Variants in ABCC9 observed in about 807,000 individuals in gnomAD.
ABCC9 encodes ATP binding cassette subfamily C member 9.
ABCC9 carries 95 observed loss-of-function variants against 188.3 expected under a neutral mutation model. The observed-to-expected ratio is 0.50, with a 90% CI of 0.43 to 0.60. The LOEUF (loss-of-function observed/expected upper bound fraction) is 0.60, where lower values mean the gene tolerates loss of function less well. ABCC9 is among the 20% of genes least tolerant of loss of function. The pLI, the probability that ABCC9 is intolerant of heterozygous loss-of-function variation, is 0.00. For synonymous variants in ABCC9, 659 were observed against 652.7 expected (o/e 1.01, Z -0.15); for missense variants, 1,102 against 1,876.3 (o/e 0.59, Z 7.62).
intron 35 of ABCC9, among the ~76,000 whole-genome samples, 161 bp downstream of exon 35, chr12:21,814,483 T>C (rs1316871253): frequency 6.6e-6 from 1 of 152,240 alleles, no homozygotes. Context: ...TGTCTTTTAT[T>C]TACTTTTGAG....
At chr12:21,906,408 AT>A in intron 11 of ABCC9, 120 bp from the exon 12 acceptor site, 1 of 1,031,914 alleles carries the variant, frequency 9.7e-7, no homozygotes, top group South Asian at 1.5e-5. Context: ...CCACTCACTA[AT>A]TAGGTTGTGA....
rs187634535 is a variant in ABCC9, at chr12:21,860,900, A to G, written c.2424+71T>C. The G allele has an allele frequency of 1.3e-4, 153 of 1,214,890 alleles. No individual in the cohort carries two copies. In the Admixed American group the frequency reaches 2.6e-3, roughly 21 times the overall value. The allele number at this position is 1,214,890 out of a possible 1,614,324, so 75.3% of individuals were successfully genotyped here. On this transcript the variant is annotated intron_variant, in intron 21 of 39. Transcript: ENST00000261200. ...CTCTCAAATTTCATGATTCTCTATT[A>G]AAGATTAAAGACAACCAGAAGACTT...
chr12:21,893,093 C>T (rs1947245631), intron 14 of ABCC9, among the ~76,000 whole-genome samples: 1 of 151,896 alleles, frequency 6.6e-6, no homozygotes, highest in East Asian at 1.9e-4. Flanking sequence ...TTAAGAGTGC[C>T]TTATTTATGG....
At position 21,830,168 on chromosome 12, in the gene ABCC9, G is replaced by C. The variant is rs547831112; in HGVS notation, c.3567-1108C>G. The stretch of plus-strand genomic sequence containing the variant: ...ACCTATTTTATAAATAAAACTGTTA[G>C]TAAAAGCCCTATCCATTTAAACATC... On this transcript the variant is annotated intron_variant, in intron 30 of 39. Coordinates refer to ENST00000261200, the MANE Select transcript of ABCC9 (RefSeq NM_020297.4). Among the ~76,000 whole-genome samples the C allele has an allele frequency of 2.0e-5, 3 of 152,256 alleles. No individual in the cohort carries two copies. The East Asian group carries it at 5.8e-4, about 29-fold the overall frequency.
At chr12:21,925,334 A>C (rs186734525) in intron 5 of ABCC9, 2 of 545,932 alleles carry the variant, frequency 3.7e-6, no homozygotes, top group East Asian at 5.8e-5. Flanking sequence ...CCACAGAACA[A>C]GGAAGCAAGA....
intron 26 of ABCC9, 67 bp from the exon 27 acceptor site, chr12:21,844,982 CA>C (rs1944570668): frequency 3.2e-6 from 5 of 1,550,804 alleles, no homozygotes; most frequent in African/African-American, 1.4e-5. Flanking sequence ...ACTAGAAAAC[CA>C]AATGTCAATG....
At chr12:21,829,235 T>A (rs1943577745) in intron 30 of ABCC9, among the ~76,000 whole-genome samples, 175 bp from the exon 31 acceptor site, 1 of 125,162 alleles carries the variant, frequency 8.0e-6, no homozygotes, top group Non-Finnish European at 1.6e-5. Context: ...GGAGTCTCGC[T>A]CTGTTGCCCA....
chr12:21,872,630 C>G lies in ABCC9; in HGVS notation c.2193G>C (p.Trp731Cys). The G allele has an allele frequency of 6.2e-7, 1 of 1,611,886 alleles. No homozygotes were observed. Among genetic ancestry groups the G allele is most frequent in the Non-Finnish European group, 8.5e-7 (1 of 1,178,116 alleles). ...CCAACTAAAAATATACATACTTGCT[C>G]CAGTGAACTTTTCCTTCCAATGTCT... is the stretch of plus-strand genomic sequence containing the variant. Reference protein sequence around the residue: ...EMQTLEGKVHWSNVNESEPSF... With the variant: ...EMQTLEGKVHCSNVNESEPSF... Residue 731 changes from tryptophan to cysteine, a missense_variant, in exon 18 of 40, where the codon TGG becomes TGC. Trp to Cys is a radical substitution (Grantham distance 215). Around this residue, in one of 12 missense-constraint regions of ABCC9, gnomAD observed 258 missense variants for 325.6 expected, o/e 0.79. Transcript: ENST00000261200.
chr12:21,915,012 T>C (rs1477261719), intron 7 of ABCC9, among the ~76,000 whole-genome samples: 1 of 151,468 alleles, frequency 6.6e-6, no homozygotes, highest in African/African-American at 2.4e-5. Context: ...GCAATTCTCC[T>C]GCCTCAGCCT....
chr12:21,872,087 TTCTTTTCCATG>T (rs1324173585), intron 18 of ABCC9, among the ~76,000 whole-genome samples: 1 of 152,340 alleles, frequency 6.6e-6, no homozygotes. Flanking sequence ...AAGATGCACT[TTCTTTTCCATG>T]TCTTTAGAAT....
intron 33 of ABCC9, among the ~76,000 whole-genome samples, chr12:21,816,402 C>A (rs1474822814): frequency 6.6e-6 from 1 of 152,002 alleles, no homozygotes; most frequent in East Asian, 1.9e-4. Context: ...TACATGGAGG[C>A]CCCATGATGA....
intron 2 of ABCC9, among the ~76,000 whole-genome samples, chr12:21,937,376 T>C (rs2138083098): frequency 6.6e-6 from 1 of 152,280 alleles, no homozygotes; most frequent in South Asian, 2.1e-4. Context: ...GGATGTCTTT[T>C]AACTGGAAAT....
At chr12:21,894,400 A>G (rs934022015) in intron 13 of ABCC9, among the ~76,000 whole-genome samples, 2 of 152,174 alleles carry the variant, frequency 1.3e-5, no homozygotes, top group African/African-American at 4.8e-5. Flanking sequence ...GTTAGAAAAA[A>G]ATTCTACTTA....
chr12:21,847,648 A>C (rs186716360), intron 25 of ABCC9, among the ~76,000 whole-genome samples: 1 of 151,450 alleles, frequency 6.6e-6, no homozygotes, highest in East Asian at 1.9e-4. Context: ...TTCCCAGTAT[A>C]CTTTATCAGA....
chr12:21,848,868 A>T (rs1944820000), intron 24 of ABCC9, among the ~76,000 whole-genome samples: 1 of 150,022 alleles, frequency 6.7e-6, no homozygotes, highest in Admixed American at 6.6e-5. Flanking sequence ...GCAGAAAGAG[A>T]AGGGAAACGT....
chr12:21,899,459 G>A (rs1409754818), intron 12 of ABCC9, among the ~76,000 whole-genome samples: 2 of 152,136 alleles, frequency 1.3e-5, no homozygotes. Flanking sequence ...GTTGGACAGT[G>A]GGTGCAGGAC....
At chr12:21,912,784 C>G (rs925698256) in intron 8 of ABCC9, 88 bp downstream of exon 8, 69 of 1,337,228 alleles carry the variant, frequency 5.2e-5, no homozygotes, top group Non-Finnish European at 6.8e-5. Context: ...CCTATTTGAA[C>G]AACTCATAAA....
chr12:21,857,832 C>T (rs1945302805), intron 22 of ABCC9, among the ~76,000 whole-genome samples: 1 of 152,122 alleles, frequency 6.6e-6, no homozygotes, highest in African/African-American at 2.4e-5. Context: ...GCCCTGCTGA[C>T]ACTTTGATGG....
At chr12:21,831,994 A>G (rs1943787919) in intron 30 of ABCC9, among the ~76,000 whole-genome samples, 1 of 152,238 alleles carries the variant, frequency 6.6e-6, no homozygotes, top group Non-Finnish European at 1.5e-5. Flanking sequence ...AGTTGGCAAT[A>G]GTCTGAGGCA....
Sources: gnomAD v4.1 joint callset for allele counts (sites outside exome capture counted in the v4.1 genomes callset) on GRCh38, gnomAD v4.1.1 for gene constraint, gnomAD v4.1.1 regional missense constraint, MANE v1.5 for transcripts, NCBI Gene and HGNC (gene_info 2026-07-23, HGNC 2026-07-21) for gene names.